The following SPPL3 variants were observed in gnomAD, a reference collection of about 807,000 sequenced individuals.
SPPL3 encodes signal peptide peptidase like 3, also known as signal peptide peptidase-like 3.
In SPPL3, 5 loss-of-function variants were observed where a neutral mutation model predicts 42.4. The observed-to-expected ratio is 0.12, with a 90% CI of 0.06 to 0.25. The LOEUF is 0.25. SPPL3 is among the 10% of genes least tolerant of loss of function. The pLI is 1.00. For missense variants in SPPL3, 235 were observed against 489.0 expected (o/e 0.48, Z 4.90); for synonymous variants, 195 against 181.8 (o/e 1.07, Z -0.58).
chr12:120,823,221 G>GT (rs1320243666), intron 1 of SPPL3, among the ~76,000 whole-genome samples: 13 of 86,258 alleles, frequency 1.5e-4, no homozygotes, highest in Non-Finnish European at 3.4e-4. Flanking sequence ...GGGGTGGGGG[G>GT]TGGGGGGGCG....
chr12:120,901,101 T>C (rs1873968896), intron 1 of SPPL3, among the ~76,000 whole-genome samples: 1 of 152,156 alleles, frequency 6.6e-6, no homozygotes, highest in Non-Finnish European at 1.5e-5. Context: ...AGAATTCATG[T>C]CAAACAAAAT....
In SPPL3 at chr12:120,901,934, A is replaced by G. The variant is rs115415758; in HGVS notation, c.23+1911T>C. On this transcript the variant is annotated intron_variant, in intron 1 of 10. Transcript: ENST00000353487. ...TGACCACTGAGTTTTCTATTCTTTC[A>G]ACCATCCAGGGCCTCTGTACAGCAC... is the stretch of plus-strand genomic sequence containing the variant. The G allele has an allele frequency of 4.1e-4, 401 of 985,350 alleles. 1 individual carries two copies. The African/African-American group carries it at 6.2e-3, about 15-fold the overall frequency. 61.0% of individuals were successfully genotyped at this position (985,350 alleles called of 1,614,324 possible). A position where few individuals can be genotyped will look rare whatever the true frequency, so the allele number is the denominator to read the frequency against.
At chr12:120,888,050 T>C (rs2137063087) in intron 1 of SPPL3, among the ~76,000 whole-genome samples, 1 of 152,314 alleles carries the variant, frequency 6.6e-6, no homozygotes, top group South Asian at 2.1e-4. Flanking sequence ...CAAAAACTTG[T>C]ATACAAATGT....
At chr12:120,778,155 T>C (rs972002937) in intron 6 of SPPL3, among the ~76,000 whole-genome samples, 3 of 144,542 alleles carry the variant, frequency 2.1e-5, no homozygotes, top group African/African-American at 7.7e-5. Context: ...CTTACTCTGT[T>C]GCCCAGGCTG....
intron 1 of SPPL3, among the ~76,000 whole-genome samples, chr12:120,865,328 C>A (rs1292552446): frequency 6.6e-6 from 1 of 152,234 alleles, no homozygotes; most frequent in Non-Finnish European, 1.5e-5. Context: ...CAGCACAGCT[C>A]AGCATCTGAT....
intron 2 of SPPL3, among the ~76,000 whole-genome samples, chr12:120,800,497 A>T (rs488172): frequency 6.6e-6 from 1 of 151,842 alleles, no homozygotes; most frequent in Non-Finnish European, 1.5e-5. Context: ...AATGAAACTC[A>T]GTCTCAAAAC....
At chr12:120,781,780 C>T (rs1463556089) in intron 6 of SPPL3, among the ~76,000 whole-genome samples, 3 of 151,072 alleles carry the variant, frequency 2.0e-5, no homozygotes, top group Admixed American at 2.0e-4. Flanking sequence ...GGGGTCTCAC[C>T]ATTTTAGCCA....
intron 1 of SPPL3, among the ~76,000 whole-genome samples, chr12:120,854,595 A>G (rs2137037174): frequency 6.6e-6 from 1 of 152,320 alleles, no homozygotes; most frequent in East Asian, 1.9e-4. Context: ...GTTAAATTAT[A>G]TATTCTGTAT....
At chr12:120,863,108 G>A (rs745914085) in intron 1 of SPPL3, among the ~76,000 whole-genome samples, 20 of 152,204 alleles carry the variant, frequency 1.3e-4, no homozygotes, top group Non-Finnish European at 2.6e-4. Context: ...AGCACTCTGG[G>A]AGGCTGAGGT....
intron 6 of SPPL3, among the ~76,000 whole-genome samples, chr12:120,774,892 A>G (rs941116777): frequency 3.9e-5 from 6 of 152,136 alleles, no homozygotes; most frequent in Non-Finnish European, 8.8e-5. Flanking sequence ...ACATTAACCA[A>G]AAGTGTTGGG....
At chr12:120,868,942 T>G in intron 1 of SPPL3, among the ~76,000 whole-genome samples, 1 of 152,242 alleles carries the variant, frequency 6.6e-6, no homozygotes, top group East Asian at 1.9e-4. Context: ...CTCCCAAGTT[T>G]ACCACACCTA....
At chr12:120,903,490 A>G in intron 1 of SPPL3, 1 of 295,018 alleles carries the variant, frequency 3.4e-6, no homozygotes, top group Non-Finnish European at 6.5e-6. Flanking sequence ...CTGCCCAGGA[A>G]ACACCCCCAC....
At chr12:120,845,834 A>G (rs901851050) in intron 1 of SPPL3, among the ~76,000 whole-genome samples, 4 of 151,892 alleles carry the variant, frequency 2.6e-5, no homozygotes, top group Admixed American at 6.6e-5. Context: ...CACCCCAATT[A>G]CTATTTTAAT....
intron 3 of SPPL3, among the ~76,000 whole-genome samples, chr12:120,790,981 C>A (rs557324585): frequency 6.6e-5 from 10 of 152,254 alleles, no homozygotes; most frequent in African/African-American, 1.9e-4. Flanking sequence ...CGCCACCACA[C>A]CTGGCTGATT....
intron 1 of SPPL3, among the ~76,000 whole-genome samples, chr12:120,844,784 C>A (rs1871962032): frequency 6.6e-6 from 1 of 151,768 alleles, no homozygotes. Context: ...GCACTCCCAA[C>A]ACAGCGACTC....
At chr12:120,765,134 C>CT (rs1333748876) in intron 10 of SPPL3, 64 bp from the exon 11 acceptor site, 8 of 1,497,874 alleles carry the variant, frequency 5.3e-6, no homozygotes, top group Non-Finnish European at 7.2e-6. Context: ...CTGTCTGATT[C>CT]TTTAAAAAAA....
intron 3 of SPPL3, among the ~76,000 whole-genome samples, chr12:120,789,967 T>C (rs2136984678): frequency 6.6e-6 from 1 of 152,270 alleles, no homozygotes; most frequent in African/African-American, 2.4e-5. Flanking sequence ...TTCTTTAGGT[T>C]TCTGTGATGC....
At chr12:120,831,086 T>C (rs1351900677) in intron 1 of SPPL3, among the ~76,000 whole-genome samples, 1 of 151,992 alleles carries the variant, frequency 6.6e-6, no homozygotes, top group East Asian at 1.9e-4. Context: ...TCTCTCTCTC[T>C]CTCCTTGAGG....
At chr12:120,894,653 G>A (rs1478023604) in intron 1 of SPPL3, among the ~76,000 whole-genome samples, 2 of 152,172 alleles carry the variant, frequency 1.3e-5, no homozygotes, top group East Asian at 1.9e-4. Context: ...TAAGGAAACA[G>A]ATAAACTACT....
Sources: gnomAD v4.1 joint callset for allele counts (sites outside exome capture counted in the v4.1 genomes callset) on GRCh38, gnomAD v4.1.1 for gene constraint, MANE v1.5 for transcripts, NCBI Gene and HGNC (gene_info 2026-07-23, HGNC 2026-07-21) for gene names.